HTR2B: variants seen among roughly 807,000 people sequenced by gnomAD.
HTR2B encodes the protein 5-HT 2B receptor.
A neutral mutation model predicts 39.8 loss-of-function variants in HTR2B; 31 were observed. That is an observed-to-expected ratio of 0.78 (90% CI 0.58 to 1.05). The LOEUF (loss-of-function observed/expected upper bound fraction) is 1.05. HTR2B is among the 50% of genes least tolerant of loss of function. HTR2B has a pLI of 0.00. For synonymous variants in HTR2B, 210 were observed against 207.1 expected, an observed-to-expected ratio of 1.01 and a Z score of -0.12; for missense variants, 562 against 578.0, an observed-to-expected ratio of 0.97 and a Z score of 0.28.
In HTR2B at chr2:231,108,475, C is replaced by A. The variant is rs1695030211; in HGVS notation, c.*42G>T. The A allele has an allele frequency of 1.4e-6, 2 of 1,436,114 alleles. No individual in the cohort carries two copies. Among genetic ancestry groups the A allele is most frequent in the Non-Finnish European group, 2.0e-6 (2 of 1,021,042 alleles). The allele number at this position is 1,436,114 out of a possible 1,614,324, so 89.0% of individuals were successfully genotyped here. A position where few individuals can be genotyped will look rare whatever the true frequency, so the allele number is the denominator to read the frequency against. On this transcript the variant is annotated 3_prime_UTR_variant, in exon 4 of 4. Coordinates refer to ENST00000258400, the MANE Select transcript of HTR2B (RefSeq NM_000867.5). ...CTTGGCACATTTACATCTCATTCAT[C>A]ATCTTACTCATCATTATGTTTGATG...
chr2:231,120,327 C>CT lies in HTR2B; in HGVS notation c.352+3085dup, dbSNP rs949367721. Among the ~76,000 whole-genome samples the CT allele has an allele frequency of 1.1e-4, 17 of 152,164 alleles. 1 individual carries two copies. Among genetic ancestry groups the CT allele is most frequent in the Admixed American group, 7.2e-4 (11 of 15,272 alleles). On this transcript the variant is annotated intron_variant, in intron 2 of 3. Coordinates refer to ENST00000258400, the MANE Select transcript of HTR2B (RefSeq NM_000867.5). The stretch of plus-strand genomic sequence containing the variant: ...AGCTCTTAAATGGTGAACATCCTGT[C>CT]TTTTTTATATCAGCATAAGGTGTTG...
At chr2:231,111,880 TTATATG>T (rs1429065439) in intron 3 of HTR2B, among the ~76,000 whole-genome samples, 2 of 152,220 alleles carry the variant, frequency 1.3e-5, no homozygotes, top group African/African-American at 4.8e-5. Context: ...TGTAATTTGT[TTATATG>T]TCCGCCTTTC....
In HTR2B at chr2:231,119,110, A is replaced by G. The variant is rs942236980; in HGVS notation, c.352+4303T>C. ...AATATGATAGTGTTTTAAATGTTTT[A>G]AGCATTTTAATGCTTACAGAATTTT... On this transcript the variant is annotated intron_variant, in intron 2 of 3. Transcript: ENST00000258400. Among the ~76,000 whole-genome samples the G allele has an allele frequency of 7.5e-4, 115 of 152,322 alleles. 1 individual carries two copies. Among genetic ancestry groups the G allele is most frequent in the African/African-American group, 2.5e-3 (105 of 41,576 alleles).
intron 2 of HTR2B, among the ~76,000 whole-genome samples, chr2:231,122,680 A>C (rs1048120487): frequency 1.6e-4 from 25 of 152,108 alleles, no homozygotes; most frequent in African/African-American, 6.0e-4. Context: ...TTTTTATTAT[A>C]GCAAACTAAG....
rs1433925307 is a variant in HTR2B, at chr2:231,108,276, A to G, written c.*241T>C. 21 of 412,580 alleles carry G rather than the reference A, an allele frequency of 5.1e-5. No homozygotes were observed. Among genetic ancestry groups the G allele is most frequent in the Non-Finnish European group, 9.0e-5 (21 of 232,088 alleles). The allele number at this position is 412,580 out of a possible 1,614,324, so 25.6% of individuals were successfully genotyped here. A position where few individuals can be genotyped will look rare whatever the true frequency, so the allele number is the denominator to read the frequency against. On this transcript the variant is annotated 3_prime_UTR_variant, in exon 4 of 4. Transcript: ENST00000258400. ...TATTGATTTGACTTTATTTCATTCG[A>G]ATACCTTAAAATTTAACCAGAGTGC... is the stretch of plus-strand genomic sequence containing the variant.
chr2:231,114,133 T>C (rs1454992863), intron 2 of HTR2B, among the ~76,000 whole-genome samples: 1 of 152,238 alleles, frequency 6.6e-6, no homozygotes, highest in Non-Finnish European at 1.5e-5. Context: ...ATACATTTTC[T>C]ATTTTGCATA....
In HTR2B at chr2:231,124,085, C is replaced by T. The variant is rs941181555; in HGVS notation, c.-321G>A. 1.4e-5 allele frequency: 4 copies of T among 284,590 alleles called. No individual in the cohort carries two copies. In the East Asian group the frequency reaches 2.5e-4, roughly 18 times the overall value. 17.6% of individuals were successfully genotyped at this position (284,590 alleles called of 1,614,324 possible). A position where few individuals can be genotyped will look rare whatever the true frequency, so the allele number is the denominator to read the frequency against. On this transcript the variant is annotated 5_prime_UTR_variant, in exon 2 of 4. Coordinates refer to ENST00000258400, the MANE Select transcript of HTR2B (RefSeq NM_000867.5). ...AGTTTCTCTCTCTCTCTTTTTCTGC[C>T]GTAGTTGTAGAGTCGTGTTTGAACT...
In HTR2B at chr2:231,119,439, C is replaced by G. The variant is rs188881123; in HGVS notation, c.352+3974G>C. ...GAACTCTGAAATAATAAGTGACTTG[C>G]CTGATCCAACACGGGAGAACCAGGA... On this transcript the variant is annotated intron_variant, in intron 2 of 3. Transcript: ENST00000258400. Among the ~76,000 whole-genome samples, 66 of 152,266 alleles carry G rather than the reference C, an allele frequency of 4.3e-4. 1 individual carries two copies. Among genetic ancestry groups the G allele is most frequent in the African/African-American group, 1.5e-3 (64 of 41,554 alleles).
At position 231,123,474 on chromosome 2, in the gene HTR2B, C is replaced by A; in HGVS notation, c.291G>T (p.Ala97=). ...YATNYFLMSL[A]VADLLVGLFV... ...ACAATCCAACCAGCAAATCAGCCAC[C>A]GCCAAGGACATTAGAAAGTAATTAG... is the stretch of plus-strand genomic sequence containing the variant. The change falls in exon 2 of 4, where the codon GCG becomes GCT. Residue 97 remains alanine (A), a synonymous_variant. Transcript: ENST00000258400. 6.2e-7 allele frequency: 1 copy of A among 1,614,054 alleles called. No homozygotes were observed.
Position 231,108,356 on chromosome 2 carries a change from G to T in HTR2B, c.*161C>A, listed in dbSNP as rs1386244774. On this transcript the variant is annotated 3_prime_UTR_variant, in exon 4 of 4. Coordinates refer to ENST00000258400, the MANE Select transcript of HTR2B (RefSeq NM_000867.5). ...ATTATTTTCCTCATGGAATAATCTT[G>T]TCCAAATTAGGAAAATTAGATATTC... The T allele has an allele frequency of 4.9e-6, 3 of 608,170 alleles. No individual in the cohort carries two copies. Among genetic ancestry groups the T allele is most frequent in the Non-Finnish European group, 8.5e-6 (3 of 351,204 alleles). The allele number at this position is 608,170 out of a possible 1,614,324, so 37.7% of individuals were successfully genotyped here.
In HTR2B at chr2:231,108,994, T is replaced by G; in HGVS notation, c.969A>C (p.Ser323=). The part of the protein sequence containing the change: ...VQTISNEQRA[S]KVLGIVFFLF... ...GGAAAAACACAATCCCTAGGACCTT[T>G]GAGGCTCTCTGTTCGTTGGAAATGG... is the stretch of plus-strand genomic sequence containing the variant. Residue 323 remains serine, a synonymous_variant, in exon 4 of 4, where the codon TCA becomes TCC. Transcript: ENST00000258400. 6.2e-7 allele frequency: 1 copy of G among 1,614,204 alleles called. No homozygotes were observed. Among genetic ancestry groups the G allele is most frequent in the Non-Finnish European group, 8.5e-7 (1 of 1,180,018 alleles).
rs1029723296 is a variant in HTR2B at position 231,117,571 on chromosome 2, A to G, written c.353-3642T>C. Among the ~76,000 whole-genome samples the G allele has an allele frequency of 2.6e-5, 4 of 152,172 alleles. No individual in the cohort carries two copies. In the East Asian group the frequency reaches 7.7e-4, roughly 29 times the overall value. ...CTTATAGACAATTGTTTAATTATCT[A>G]AAGAATATCAGTAGCACAAATATTT... On this transcript the variant is annotated intron_variant, in intron 2 of 3. Coordinates refer to ENST00000258400, the MANE Select transcript of HTR2B (RefSeq NM_000867.5).
intron 2 of HTR2B, 117 bp from the exon 3 acceptor site, chr2:231,114,046 CT>C (rs1695250560): frequency 2.6e-6 from 2 of 774,694 alleles, no homozygotes; most frequent in Admixed American, 2.0e-5. Context: ...AATTTTATAA[CT>C]TTAACAACAT....
In HTR2B at chr2:231,108,444, T is replaced by C. The variant is rs1695029456; in HGVS notation, c.*73A>G. 1.9e-5 allele frequency: 20 copies of C among 1,067,284 alleles called. No homozygotes were observed. The East Asian group carries it at 4.7e-4, about 25-fold the overall frequency. 66.1% of individuals were successfully genotyped at this position (1,067,284 alleles called of 1,614,324 possible). ...ATATGACATAAAATTCTTTATATAATATATTCTTGGCACATTTACATCTCA... is the reference window on the plus strand; with the variant it reads ...ATATGACATAAAATTCTTTATATAACATATTCTTGGCACATTTACATCTCA... On this transcript the variant is annotated 3_prime_UTR_variant, in exon 4 of 4. Coordinates refer to ENST00000258400, the MANE Select transcript of HTR2B (RefSeq NM_000867.5).
Position 231,122,018 on chromosome 2 carries a change from T to C in HTR2B, c.352+1395A>G, listed in dbSNP as rs146533262. ...TATATTTCTACATAATACTTTCTTT[T>C]AAGCTTTATTCAGAATTAGGGTTAT... On this transcript the variant is annotated intron_variant, in intron 2 of 3. Transcript: ENST00000258400. Among the ~76,000 whole-genome samples, 133 of 152,304 alleles carry C rather than the reference T, an allele frequency of 8.7e-4. 1 individual carries two copies. The highest frequency in any genetic ancestry group is 3.0e-3 in the African/African-American group (123 of 41,586).
At chr2:231,115,969 C>T (rs1367597274) in intron 2 of HTR2B, among the ~76,000 whole-genome samples, 3 of 152,066 alleles carry the variant, frequency 2.0e-5, no homozygotes, top group Non-Finnish European at 4.4e-5. Flanking sequence ...AGGTTTGTGT[C>T]TGAGTCTTAA....
intron 3 of HTR2B, among the ~76,000 whole-genome samples, chr2:231,111,888 C>G (rs992082246): frequency 1.3e-5 from 2 of 152,114 alleles, no homozygotes; most frequent in African/African-American, 4.8e-5. Context: ...GTTTATATGT[C>G]CGCCTTTCTT....
chr2:231,120,812 C>G (rs538650462), intron 2 of HTR2B, among the ~76,000 whole-genome samples: 1 of 152,286 alleles, frequency 6.6e-6, no homozygotes, highest in East Asian at 1.9e-4. Context: ...ACCAAGAACG[C>G]TTGTTTGTAC....
At chr2:231,119,885 A>C (rs1695473015) in intron 2 of HTR2B, among the ~76,000 whole-genome samples, 1 of 151,648 alleles carries the variant, frequency 6.6e-6, no homozygotes, top group Non-Finnish European at 1.5e-5. Context: ...AAAAAAAAAA[A>C]AAAAAACTTA....
Sources: allele counts gnomAD v4.1 joint callset (sites outside exome capture counted in the v4.1 genomes callset), GRCh38; gene constraint gnomAD v4.1.1; transcripts MANE v1.5; gene names NCBI Gene and HGNC (gene_info 2026-07-23, HGNC 2026-07-21).